Variants in CBL observed in about 807,000 individuals in gnomAD.
CBL encodes Cbl proto-oncogene.
A neutral mutation model predicts 96.9 loss-of-function variants in CBL; 45 were observed. The ratio of observed to expected loss-of-function variants is 0.46; its 90% CI spans 0.37 to 0.60. CBL has a LOEUF of 0.60. Ranked by LOEUF, CBL falls within the 20% of genes least tolerant of loss-of-function variation. The pLI is 0.00. For synonymous variants in CBL, 420 were observed against 426.8 expected, an observed-to-expected ratio of 0.98 and a Z score of 0.20; for missense variants, 1,024 against 1,143.5, an observed-to-expected ratio of 0.90 and a Z score of 1.51.
In CBL at chr11:119,300,891, A is replaced by T. The variant is rs1358318966; in HGVS notation, c.*1110A>T. 1.1e-5 allele frequency: 3 copies of T among 274,482 alleles called. No individual in the cohort carries two copies. Among genetic ancestry groups the T allele is most frequent in the Non-Finnish European group, 2.1e-5 (3 of 146,262 alleles). The allele number at this position is 274,482 out of a possible 1,614,324, so 17.0% of individuals were successfully genotyped here. A position where few individuals can be genotyped will look rare whatever the true frequency, so the allele number is the denominator to read the frequency against. On this transcript the variant is annotated 3_prime_UTR_variant, in exon 16 of 16. Coordinates refer to ENST00000264033, the MANE Select transcript of CBL (RefSeq NM_005188.4). Reference sequence around the variant, plus strand: ...CATGCTATTTAAATGCACAAAATAGACAGTAAGGATTTATCTGTTCAGTTT... The same window carrying T: ...CATGCTATTTAAATGCACAAAATAGTCAGTAAGGATTTATCTGTTCAGTTT...
At chr11:119,213,433 C>T (rs1592368162) in intron 1 of CBL, among the ~76,000 whole-genome samples, 1 of 152,098 alleles carries the variant, frequency 6.6e-6, no homozygotes, top group South Asian at 2.1e-4. Context: ...TGATGAGGAT[C>T]TCTTAAGTTT....
chr11:119,277,975 C>T, intron 7 of CBL, 131 bp downstream of exon 7: 1 of 866,064 alleles, frequency 1.2e-6, no homozygotes, highest in Admixed American at 2.0e-5. Flanking sequence ...TATGTGGTTT[C>T]ACTTTAAACC....
intron 5 of CBL, 41 bp from the exon 6 acceptor site, chr11:119,275,956 C>T (rs369014869): frequency 1.2e-6 from 2 of 1,602,118 alleles, no homozygotes; most frequent in African/African-American, 2.7e-5. Context: ...ACCGTAATAC[C>T]AGCATAATCT....
intron 2 of CBL, among the ~76,000 whole-genome samples, chr11:119,233,327 A>G (rs1425146027): frequency 1.3e-5 from 2 of 151,984 alleles, no homozygotes; most frequent in African/African-American, 4.8e-5. Context: ...CTCAGCCTCC[A>G]GGTTCAAGTG....
chr11:119,274,649 T>C (rs1949874467), intron 4 of CBL, among the ~76,000 whole-genome samples, 183 bp from the exon 5 acceptor site: 1 of 152,228 alleles, frequency 6.6e-6, no homozygotes, highest in Non-Finnish European at 1.5e-5. Context: ...ATATATTCTT[T>C]TCTTCGTAGC....
chr11:119,215,538 T>A (rs2135252029), intron 1 of CBL, among the ~76,000 whole-genome samples: 1 of 151,854 alleles, frequency 6.6e-6, no homozygotes, highest in South Asian at 2.1e-4. Flanking sequence ...TGGTGGTGCA[T>A]GCCTGTAATC....
intron 2 of CBL, among the ~76,000 whole-genome samples, chr11:119,243,340 A>C (rs1366754459): frequency 6.6e-6 from 1 of 151,862 alleles, no homozygotes; most frequent in East Asian, 1.9e-4. Flanking sequence ...TTATTTATTT[A>C]TTTATTTTTA....
At chr11:119,277,271 A>ACACG (rs1555229985) in intron 6 of CBL, among the ~76,000 whole-genome samples, 3 of 151,392 alleles carry the variant, frequency 2.0e-5, no homozygotes, top group Non-Finnish European at 4.4e-5. Context: ...ACACACACAC[A>ACACG]TAAAGAATTT....
chr11:119,235,629 A>C (rs527804282), intron 2 of CBL, among the ~76,000 whole-genome samples: 1 of 152,104 alleles, frequency 6.6e-6, no homozygotes, highest in South Asian at 2.1e-4. Flanking sequence ...GTGGAAGGGG[A>C]GGCAGGAGAG....
chr11:119,278,367 T>C, intron 8 of CBL, 70 bp downstream of exon 8: 2 of 1,580,952 alleles, frequency 1.3e-6, no homozygotes, highest in Non-Finnish European at 1.7e-6. Context: ...ATATAGCCTT[T>C]ACTGATACAA....
At chr11:119,297,305 C>A in intron 13 of CBL, 79 bp from the exon 14 acceptor site, 2 of 1,165,874 alleles carry the variant, frequency 1.7e-6, no homozygotes, top group Non-Finnish European at 2.6e-6. Context: ...ATTGGCAAAA[C>A]GAGAAGATGA....
At chr11:119,265,055 T>G (rs1411078518) in intron 2 of CBL, among the ~76,000 whole-genome samples, 1 of 151,900 alleles carries the variant, frequency 6.6e-6, no homozygotes, top group African/African-American at 2.4e-5. Flanking sequence ...TTTTTTGCAT[T>G]TTTTGTATAG....
At chr11:119,234,167 C>T (rs1268160329) in intron 2 of CBL, among the ~76,000 whole-genome samples, 1 of 151,956 alleles carries the variant, frequency 6.6e-6, no homozygotes, top group African/African-American at 2.4e-5. Context: ...CCGCTGTGCC[C>T]GGCTAATTTT....
chr11:119,209,396 T>C (rs1394993049), intron 1 of CBL, among the ~76,000 whole-genome samples: 1 of 152,172 alleles, frequency 6.6e-6, no homozygotes, highest in Non-Finnish European at 1.5e-5. Context: ...GGTGGGCGGC[T>C]CACTTGAGGT....
rs747085526 is a variant in CBL, at chr11:119,300,296, G to A, written c.*515G>A. On this transcript the variant is annotated 3_prime_UTR_variant, in exon 16 of 16. Transcript: ENST00000264033. Reference sequence around the variant, plus strand: ...CCATCTACTGTGGTATTATACCCAAGCCTAGTGTGTATTACAACTTCAACA... The same window carrying A: ...CCATCTACTGTGGTATTATACCCAAACCTAGTGTGTATTACAACTTCAACA... 6.9e-6 allele frequency: 3 copies of A among 431,722 alleles called. No individual in the cohort carries two copies. Among genetic ancestry groups the A allele is most frequent in the Non-Finnish European group, 1.2e-5 (3 of 245,586 alleles). 26.7% of individuals were successfully genotyped at this position (431,722 alleles called of 1,614,324 possible).
At chr11:119,208,012 T>G (rs1347527408) in intron 1 of CBL, among the ~76,000 whole-genome samples, 1 of 152,228 alleles carries the variant, frequency 6.6e-6, no homozygotes, top group Non-Finnish European at 1.5e-5. Context: ...TAGGGCTGGC[T>G]TTTCTCATGT....
intron 7 of CBL, 66 bp downstream of exon 7, chr11:119,277,910 T>A: frequency 1.7e-6 from 2 of 1,148,020 alleles, no homozygotes; most frequent in Non-Finnish European, 2.6e-6. Flanking sequence ...TTTATAGAAC[T>A]GACAGCATAA....
At chr11:119,228,399 A>G (rs1275257916) in intron 1 of CBL, among the ~76,000 whole-genome samples, 1 of 152,078 alleles carries the variant, frequency 6.6e-6, no homozygotes, top group African/African-American at 2.4e-5. Context: ...AGAGTTCAGG[A>G]GTTTGAGACC....
At position 119,305,797 on chromosome 11, in the gene CBL, T is replaced by C. The variant is rs913761500; in HGVS notation, c.*6016T>C. 3 of 229,766 alleles carry C rather than the reference T, an allele frequency of 1.3e-5. No homozygotes were observed. Among genetic ancestry groups the C allele is most frequent in the African/African-American group, 4.4e-5 (2 of 45,136 alleles). The allele number at this position is 229,766 out of a possible 1,614,324, so 14.2% of individuals were successfully genotyped here. ...CTATGCTTTTGCTTGCCTAAATCTT[T>C]TGATCTTATATTTCTCTCATCTCAG... is the stretch of plus-strand genomic sequence containing the variant. On this transcript the variant is annotated 3_prime_UTR_variant, in exon 16 of 16. Transcript: ENST00000264033.
Sources: allele counts gnomAD v4.1 joint callset (sites outside exome capture counted in the v4.1 genomes callset), GRCh38; gene constraint gnomAD v4.1.1; transcripts MANE v1.5; gene names NCBI Gene and HGNC (gene_info 2026-07-23, HGNC 2026-07-21).